PNPLA8: variants seen among roughly 807,000 people sequenced by gnomAD.
PNPLA8 encodes calcium-independent phospholipase A2-gamma.
Under a neutral mutation model 76.9 loss-of-function variants are expected in PNPLA8, and 39 were observed. The observed-to-expected ratio is 0.51, with a 90% CI of 0.39 to 0.66. PNPLA8 has a LOEUF of 0.66. Ranked by LOEUF, PNPLA8 falls within the 30% of genes least tolerant of loss-of-function variation. PNPLA8 has a pLI of 0.00. For missense variants in PNPLA8, 887 were observed against 918.0 expected (o/e 0.97, Z 0.44); for synonymous variants, 301 against 307.9 (o/e 0.98, Z 0.24).
At chr7:108,495,462 C>T (rs759263556) in intron 7 of PNPLA8, among the ~76,000 whole-genome samples, 2 of 152,164 alleles carry the variant, frequency 1.3e-5, no homozygotes, top group Non-Finnish European at 2.9e-5. Context: ...CAACTACACA[C>T]ATATACACTT....
intron 9 of PNPLA8, among the ~76,000 whole-genome samples, chr7:108,481,845 T>C (rs1444105614): frequency 1.3e-5 from 2 of 152,212 alleles, no homozygotes; most frequent in East Asian, 1.9e-4. Context: ...CTTTGTATAA[T>C]GTGTGAGGCT....
chr7:108,511,670 A>C (rs367925307), intron 4 of PNPLA8, among the ~76,000 whole-genome samples: 2 of 152,190 alleles, frequency 1.3e-5, no homozygotes, highest in African/African-American at 4.8e-5. Flanking sequence ...ATTTTAAGTG[A>C]CTTGGAGAAA....
At chr7:108,522,077 C>CG (rs1863777926) in intron 1 of PNPLA8, among the ~76,000 whole-genome samples, 1 of 151,920 alleles carries the variant, frequency 6.6e-6, no homozygotes, top group South Asian at 2.1e-4. Flanking sequence ...GGGTGGATGA[C>CG]GAAGTCAGGA....
In PNPLA8 at chr7:108,472,427, C is replaced by G. The variant is rs751031323; in HGVS notation, c.2323G>C (p.Gly775Arg). ...WIKLKTDMYE[G>R]LPFFSKL Reference sequence around the variant, plus strand: ...CACAATTTTGAAAAGAATGGAAGTCCTTCATACATATCAGTTTTTAATTTT... The same window carrying G: ...CACAATTTTGAAAAGAATGGAAGTCGTTCATACATATCAGTTTTTAATTTT... Residue 775 changes from glycine (G) to arginine (R), a missense_variant, in exon 11 of 11, where the codon GGA becomes CGA. By Grantham distance (125) the Gly-to-Arg change is moderately radical. Transcript: ENST00000257694. 2.5e-6 allele frequency: 4 copies of G among 1,587,238 alleles called. No homozygotes were observed. Among genetic ancestry groups the G allele is most frequent in the Non-Finnish European group, 3.4e-6 (4 of 1,164,512 alleles).
intron 8 of PNPLA8, among the ~76,000 whole-genome samples, chr7:108,489,447 A>G (rs756383514): frequency 6.6e-6 from 1 of 152,194 alleles, no homozygotes; most frequent in Non-Finnish European, 1.5e-5. Context: ...TGGCCTTCAC[A>G]TTGACATCTC....
At chr7:108,514,317 A>T in intron 3 of PNPLA8, 24 bp from the exon 4 acceptor site, 1 of 1,583,888 alleles carries the variant, frequency 6.3e-7, no homozygotes, top group Admixed American at 1.8e-5. Flanking sequence ...TTAAATAGAT[A>T]TGATTAGAAT....
rs766217075 is a variant in PNPLA8, at chr7:108,502,558, T to G, written c.1291A>C (p.Ile431Leu). Residue 431 changes from isoleucine to leucine, a missense_variant, in exon 5 of 11, where the codon ATT (isoleucine) becomes CTT (leucine). Ile to Leu is a conservative substitution (Grantham distance 5). Transcript: ENST00000257694. ...CCTTTCACTGGATCCACATAGCCAA[T>G]TAGGGCCAAAATTTCTCTAACTGCA... ...QAAVREILAL[I>L]GYVDPVKGRG... The G allele has an allele frequency of 4.1e-5, 66 of 1,611,456 alleles. No homozygotes were observed. The highest frequency in any genetic ancestry group is 5.5e-5 in the Non-Finnish European group (65 of 1,178,630).
chr7:108,490,524 C>T (rs1481555651), intron 8 of PNPLA8, among the ~76,000 whole-genome samples: 1 of 152,164 alleles, frequency 6.6e-6, no homozygotes, highest in African/African-American at 2.4e-5. Context: ...TGGCTCACGC[C>T]CGTAATCCCA....
At chr7:108,502,368 G>C in intron 5 of PNPLA8, 123 bp downstream of exon 5, 2 of 759,264 alleles carry the variant, frequency 2.6e-6, no homozygotes, top group East Asian at 3.0e-5. Flanking sequence ...GCTTGAACCT[G>C]GGAGGCAGAG....
chr7:108,492,113 G>A (rs955657675), intron 7 of PNPLA8, among the ~76,000 whole-genome samples: 1 of 152,236 alleles, frequency 6.6e-6, no homozygotes, highest in Admixed American at 6.5e-5. Flanking sequence ...TAAAAATTAT[G>A]TATTTTCCCT....
chr7:108,477,840 C>T (rs1860108870), intron 10 of PNPLA8, among the ~76,000 whole-genome samples: 1 of 152,082 alleles, frequency 6.6e-6, no homozygotes, highest in Non-Finnish European at 1.5e-5. Flanking sequence ...CCAGCCTGGG[C>T]AACAAAGTGA....
At chr7:108,498,454 T>C (rs987541684) in intron 5 of PNPLA8, among the ~76,000 whole-genome samples, 2 of 151,358 alleles carry the variant, frequency 1.3e-5, no homozygotes, top group African/African-American at 4.9e-5. Context: ...TTTGTATTTT[T>C]AGTAGAGACA....
intron 2 of PNPLA8, among the ~76,000 whole-genome samples, chr7:108,516,881 G>T (rs1217772425): frequency 6.6e-6 from 1 of 151,536 alleles, no homozygotes; most frequent in Non-Finnish European, 1.5e-5. Context: ...CAGCCTGGGT[G>T]ATAGAGCCAG....
At chr7:108,486,510 A>C (rs938119229) in intron 9 of PNPLA8, among the ~76,000 whole-genome samples, 1 of 152,102 alleles carries the variant, frequency 6.6e-6, no homozygotes, top group Non-Finnish European at 1.5e-5. Flanking sequence ...CAAGAAGGGG[A>C]AGTGCCTTAA....
rs541866899 is a variant in PNPLA8, at chr7:108,514,469, C to T, written c.1023G>A (p.Glu341=). The change falls in exon 3 of 11, where the codon GAG becomes GAA. Residue 341 remains glutamate, a synonymous_variant. Coordinates refer to ENST00000257694, the MANE Select transcript of PNPLA8 (RefSeq NM_001256007.3). ...GCTGAAGAGATAAACGCTTTTTCTC[C>T]TCTGCATTTCTGTCTTTGCTGACAG... ...DQAVSKDRNA[E]EKKRLSLQRE... is the part of the protein sequence containing the mutation. 1,860 of 1,611,968 alleles carry T rather than the reference C, an allele frequency of 1.2e-3. 3 individuals carry two copies. The highest frequency in any genetic ancestry group is 1.8e-3 in the South Asian group (161 of 90,924).
intron 7 of PNPLA8, among the ~76,000 whole-genome samples, chr7:108,495,012 G>A (rs944704802): frequency 2.6e-5 from 4 of 152,064 alleles, no homozygotes; most frequent in Non-Finnish European, 5.9e-5. Flanking sequence ...ATTGAAACAT[G>A]AGCTTCAAAA....
intron 4 of PNPLA8, among the ~76,000 whole-genome samples, chr7:108,504,171 C>T (rs1029302772): frequency 1.3e-5 from 2 of 152,102 alleles, no homozygotes; most frequent in South Asian, 4.1e-4. Flanking sequence ...AAATGCCAAA[C>T]AGAAGAACAA....
At chr7:108,472,766 ACTT>A (rs1859714410) in intron 10 of PNPLA8, 91 bp from the exon 11 acceptor site, 2 of 888,536 alleles carry the variant, frequency 2.3e-6, no homozygotes, top group Admixed American at 6.8e-5. Flanking sequence ...TTTAAAATTA[ACTT>A]CTTTTTAGGC....
At chr7:108,492,208 T>C (rs1335559947) in intron 7 of PNPLA8, among the ~76,000 whole-genome samples, 4 of 152,226 alleles carry the variant, frequency 2.6e-5, no homozygotes, top group Non-Finnish European at 5.9e-5. Flanking sequence ...AATACTCATG[T>C]TTCCCAACTA....
Sources: allele counts gnomAD v4.1 joint callset (sites outside exome capture counted in the v4.1 genomes callset), GRCh38; gene constraint gnomAD v4.1.1; transcripts MANE v1.5; gene names NCBI Gene and HGNC (gene_info 2026-07-23, HGNC 2026-07-21).